CEP192: variants seen among roughly 807,000 people sequenced by gnomAD.
The protein encoded by CEP192 is centrosomal protein of 192 kDa.
In CEP192, 151 loss-of-function variants were observed where a neutral mutation model predicts 271.8. The ratio of observed to expected loss-of-function variants is 0.56; its 90% CI spans 0.49 to 0.64. CEP192 has a LOEUF of 0.64. Among genes scored for constraint, CEP192 ranks in the 30% least tolerant of loss-of-function variants. The pLI is 0.00. For missense variants in CEP192, 2,910 were observed against 3,020.5 expected, an observed-to-expected ratio of 0.96 and a Z score of 0.86; for synonymous variants, 995 against 1,076.5, an observed-to-expected ratio of 0.92 and a Z score of 1.48.
chr18:13,021,857 T>C (rs1283983552), intron 9 of CEP192, among the ~76,000 whole-genome samples: 1 of 152,230 alleles, frequency 6.6e-6, no homozygotes, highest in Non-Finnish European at 1.5e-5. Flanking sequence ...TTTCGTCTTT[T>C]AGATGCTATT....
At position 13,008,552 on chromosome 18, in the gene CEP192, AG is replaced by A. The variant is rs2034124823; in HGVS notation, c.388del (p.Glu130ArgfsTer38). 6.4e-7 allele frequency: 1 copy of A among 1,551,694 alleles called. No individual in the cohort carries two copies. Among genetic ancestry groups the A allele is most frequent in the South Asian group, 1.2e-5 (1 of 84,062 alleles). On this transcript the variant is annotated frameshift_variant, in exon 4 of 45. Transcript: ENST00000506447. LOFTEE classifies it high-confidence loss of function. ...ALQMETAGPE[E>X]EPAGATESLQ... ...TACAAATGGAGACAGCAGGACCAGA[AG>A]AGGAGCCAGCCGGAGCTACAGAATC...
At chr18:13,114,049 G>A in intron 41 of CEP192, 81 bp from the exon 42 acceptor site, 2 of 1,471,748 alleles carry the variant, frequency 1.4e-6, no homozygotes. Flanking sequence ...TAAAGGAAAT[G>A]ATAGAATTCA....
At chr18:13,001,908 C>T (rs2145806074) in intron 3 of CEP192, among the ~76,000 whole-genome samples, 1 of 152,250 alleles carries the variant, frequency 6.6e-6, no homozygotes, top group South Asian at 2.1e-4. Context: ...GGTTTCACCA[C>T]ATTGGCCAGG....
At chr18:13,057,376 T>C (rs1245175108) in intron 19 of CEP192, among the ~76,000 whole-genome samples, 1 of 152,178 alleles carries the variant, frequency 6.6e-6, no homozygotes, top group Non-Finnish European at 1.5e-5. Context: ...TTTTAATTTT[T>C]CTTTTCCTGC....
chr18:13,067,697 C>G, intron 21 of CEP192, 134 bp from the exon 22 acceptor site: 1 of 628,580 alleles, frequency 1.6e-6, no homozygotes, highest in Non-Finnish European at 2.7e-6. Context: ...TGTTAAATAG[C>G]CTGGGAAAAT....
intron 30 of CEP192, among the ~76,000 whole-genome samples, chr18:13,083,140 T>C (rs113530669): frequency 5.9e-5 from 9 of 152,342 alleles, no homozygotes; most frequent in African/African-American, 2.2e-4. Flanking sequence ...TGGTGTTCTC[T>C]GTATTTCCTG....
intron 3 of CEP192, among the ~76,000 whole-genome samples, chr18:13,008,185 A>G (rs1042317114): frequency 1.4e-4 from 21 of 152,206 alleles, no homozygotes; most frequent in African/African-American, 3.6e-4. Context: ...TTTTGGAAGT[A>G]AAAAAACCAC....
chr18:13,051,511 T>G (rs1478352035), intron 17 of CEP192, among the ~76,000 whole-genome samples: 1 of 152,200 alleles, frequency 6.6e-6, no homozygotes, highest in Non-Finnish European at 1.5e-5. Flanking sequence ...CTAACTGGTA[T>G]TTTGACAATA....
chr18:13,040,672 C>T (rs2036153090), intron 13 of CEP192, among the ~76,000 whole-genome samples, 158 bp from the exon 14 acceptor site: 1 of 152,148 alleles, frequency 6.6e-6, no homozygotes, highest in South Asian at 2.1e-4. Flanking sequence ...AAGGTTCTAC[C>T]TGGACCTTTG....
intron 9 of CEP192, among the ~76,000 whole-genome samples, chr18:13,021,693 G>C (rs1023964261): frequency 6.6e-6 from 1 of 152,130 alleles, no homozygotes; most frequent in African/African-American, 2.4e-5. Context: ...AGGTCACTTT[G>C]GGTAGTATTG....
In CEP192 at chr18:13,114,185, T is replaced by C. The variant is rs1262449133; in HGVS notation, c.7223T>C (p.Ile2408Thr). ...ENACLSTDSL[I>T]KIDHLVKPRR... Reference sequence around the variant, plus strand: ...GCATGCCTTTCCACGGATTCCCTCATTAAAATAGATCATTTAGTTAAGCCC... The same window carrying C: ...GCATGCCTTTCCACGGATTCCCTCACTAAAATAGATCATTTAGTTAAGCCC... Residue 2408 changes from isoleucine (I) to threonine (T), a missense_variant, in exon 42 of 45, where the codon ATT (isoleucine) becomes ACT (threonine). Coordinates refer to ENST00000506447, the MANE Select transcript of CEP192 (RefSeq NM_032142.4). 1.2e-6 allele frequency: 2 copies of C among 1,614,010 alleles called. No homozygotes were observed. The highest frequency in any genetic ancestry group is 2.2e-5 in the South Asian group (2 of 91,072).
chr18:13,068,012 G>A, intron 22 of CEP192, 56 bp downstream of exon 22: 1 of 1,602,722 alleles, frequency 6.2e-7, no homozygotes, highest in Admixed American at 1.7e-5. Context: ...TCTTATGAAA[G>A]TACATTTTTT....
chr18:13,066,478 G>C (rs551695268), intron 21 of CEP192, among the ~76,000 whole-genome samples: 21 of 152,192 alleles, frequency 1.4e-4, no homozygotes, highest in Admixed American at 1.0e-3. Context: ...ATTCATTGAG[G>C]CTGCTTTTTG....
intron 36 of CEP192, 45 bp downstream of exon 36, chr18:13,096,352 G>T (rs762586649): frequency 2.5e-6 from 4 of 1,587,532 alleles, no homozygotes; most frequent in Admixed American, 1.8e-5. Flanking sequence ...TTAGGTGCTG[G>T]CTTGGTGACT....
chr18:13,021,398 G>A (rs970696775), intron 9 of CEP192, among the ~76,000 whole-genome samples: 2 of 152,070 alleles, frequency 1.3e-5, no homozygotes, highest in African/African-American at 2.4e-5. Context: ...AATGGTCTTG[G>A]CACTTTTGTC....
At chr18:13,050,361 T>A (rs1468477232) in intron 17 of CEP192, among the ~76,000 whole-genome samples, 2 of 152,166 alleles carry the variant, frequency 1.3e-5, no homozygotes, top group Admixed American at 6.5e-5. Context: ...TAGTTTTGAT[T>A]TGTTTCAAAA....
chr18:13,105,650 C>T (rs138495659), intron 40 of CEP192, among the ~76,000 whole-genome samples: 70 of 152,210 alleles, frequency 4.6e-4, no homozygotes, highest in African/African-American at 1.4e-3. Flanking sequence ...CAGAACTGAC[C>T]GTAAAAGAAT....
chr18:13,065,343 T>C (rs2037637631), intron 21 of CEP192, among the ~76,000 whole-genome samples: 1 of 152,186 alleles, frequency 6.6e-6, no homozygotes, highest in African/African-American at 2.4e-5. Context: ...TGCTCAGAGG[T>C]CATTAATCGC....
intron 21 of CEP192, among the ~76,000 whole-genome samples, chr18:13,060,588 T>C (rs981821520): frequency 2.0e-5 from 3 of 152,194 alleles, no homozygotes; most frequent in Admixed American, 2.0e-4. Flanking sequence ...CAGTCCATCA[T>C]TGACCAAAAC....
Sources: allele counts gnomAD v4.1 joint callset (sites outside exome capture counted in the v4.1 genomes callset), GRCh38; gene constraint gnomAD v4.1.1; transcripts MANE v1.5; gene names NCBI Gene and HGNC (gene_info 2026-07-23, HGNC 2026-07-21).